SRCAP: variants seen among roughly 807,000 people sequenced by gnomAD.
SRCAP encodes the protein chromatin remodeling protein SRCAP.
SRCAP carries 46 observed loss-of-function variants against 263.1 expected under a neutral mutation model. The observed-to-expected ratio is 0.17, with a 90% CI of 0.14 to 0.22. The LOEUF (loss-of-function observed/expected upper bound fraction) is 0.22, where lower values mean the gene tolerates loss of function less well. SRCAP is among the 10% of genes least tolerant of loss of function. The probability of loss-of-function intolerance (pLI) is 1.00; values close to 1 mark genes in which losing one functional copy is unlikely to be tolerated. For synonymous variants in SRCAP, 1,813 were observed against 1,662.1 expected (o/e 1.09, Z -2.21); for missense variants, 3,695 against 4,181.9 (o/e 0.88, Z 3.21).
Position 30,704,246 on chromosome 16 carries a change from T to A in SRCAP, c.237T>A (p.Ala79=). Reference sequence around the variant, plus strand: ...TGGAGGGGTTCAGCTTATCCCAGGCTGCTGACCTGGCTAACAAGGGCCCGA... The same window carrying A: ...TGGAGGGGTTCAGCTTATCCCAGGCAGCTGACCTGGCTAACAAGGGCCCGA... ...VPLEGFSLSQ[A]ADLANKGPKW... The change falls in exon 4 of 34, where the codon GCT becomes GCA. Residue 79 remains alanine, a synonymous_variant. Transcript: ENST00000262518. 1 of 1,614,172 alleles carries A rather than the reference T, an allele frequency of 6.2e-7. No individual in the cohort carries two copies. The highest frequency in any genetic ancestry group is 8.5e-7 in the Non-Finnish European group (1 of 1,180,006).
rs374930012 is a variant in SRCAP at position 30,711,707 on chromosome 16, G to A, written c.1455G>A (p.Ala485=). ...GTGAACCAGAGGGGCCCGTGGAAGC[G>A]GAAGAGCCTCCTCAGGAGGATAGTA... ...SDCEPEGPVE[A]EEPPQEDSSS... is the part of the protein sequence containing the mutation. The change falls in exon 11 of 34, where the codon GCG becomes GCA. Residue 485 remains alanine, a synonymous_variant. Coordinates refer to ENST00000262518, the MANE Select transcript of SRCAP (RefSeq NM_006662.3). 63 of 1,613,678 alleles carry A rather than the reference G, an allele frequency of 3.9e-5. No homozygotes were observed. Among genetic ancestry groups the A allele is most frequent in the Admixed American group, 1.3e-4 (8 of 59,866 alleles).
In SRCAP at chr16:30,716,415, C is replaced by G. The variant is rs886525738; in HGVS notation, c.2753C>G (p.Thr918Ser). 2 of 1,614,116 alleles carry G rather than the reference C, an allele frequency of 1.2e-6. No individual in the cohort carries two copies. Among genetic ancestry groups the G allele is most frequent in the Non-Finnish European group, 1.7e-6 (2 of 1,180,054 alleles). ...DPRPVTSPFI[T>S]PGICFSTASL... ...CGACCGGTTACCTCCCCTTTCATCA[C>G]CCCAGGCATCTGCTTCAGCACCGCC... The change falls in exon 18 of 34, where the codon ACC becomes AGC. Residue 918 changes from threonine to serine, a missense_variant. Physicochemically the swap from Thr to Ser is moderately conservative, Grantham distance 58. Transcript: ENST00000262518.
intron 22 of SRCAP, 121 bp from the exon 23 acceptor site, chr16:30,722,442 G>T: frequency 6.7e-7 from 1 of 1,500,422 alleles, no homozygotes. Flanking sequence ...ATAAAGATAG[G>T]GAAGAGGTCA....
chr16:30,725,330 GT>G, intron 25 of SRCAP: 1 of 627,126 alleles, frequency 1.6e-6, no homozygotes, highest in African/African-American at 1.9e-5. Context: ...CTCTTTTCCC[GT>G]TTTTTAACCC....
intron 20 of SRCAP, 67 bp from the exon 21 acceptor site, chr16:30,721,122 G>T (rs1348360449): frequency 5.8e-6 from 9 of 1,545,220 alleles, no homozygotes; most frequent in Non-Finnish European, 7.9e-6. Context: ...GGAGTATGGA[G>T]GCTTCTGGCA....
At chr16:30,716,936 A>G (rs890145486) in intron 18 of SRCAP, among the ~76,000 whole-genome samples, 4 of 152,172 alleles carry the variant, frequency 2.6e-5, no homozygotes, top group Non-Finnish European at 1.5e-5. Flanking sequence ...TAGGTGTACA[A>G]ATATCTCTGC....
intron 9 of SRCAP, 32 bp from the exon 10 acceptor site, chr16:30,710,967 C>A: frequency 6.2e-7 from 1 of 1,602,964 alleles, no homozygotes; most frequent in Admixed American, 1.7e-5. Context: ...TAGCCTCTAT[C>A]CCTATTAATC....
chr16:30,709,576 T>C lies in SRCAP; in HGVS notation c.697T>C (p.Leu233=). Residue 233 remains leucine (L), a synonymous_variant, in exon 7 of 34, where the codon TTG becomes CTG. Transcript: ENST00000262518. ...GCGCAAAAAAGCCCTGGACCTGCAT[T>C]TGGACTTCATTGTGGGGCAAACTGA... ...EKRKKALDLH[L]DFIVGQTEKY... is the part of the protein sequence containing the mutation. The C allele has an allele frequency of 6.2e-7, 1 of 1,614,148 alleles. No homozygotes were observed. Among genetic ancestry groups the C allele is most frequent in the Non-Finnish European group, 8.5e-7 (1 of 1,180,030 alleles).
At position 30,719,376 on chromosome 16, in the gene SRCAP, T is replaced by C. The variant is rs1001709935; in HGVS notation, c.2818-786T>C. On this transcript the variant is annotated intron_variant, in intron 18 of 33. Transcript: ENST00000262518. ...GATTACAGGCACGTGCCACCACGCC[T>C]GGCTAATGTTTTGTATTTTTAGTAG... Among the ~76,000 whole-genome samples, 9 of 149,876 alleles carry C rather than the reference T, an allele frequency of 6.0e-5. No homozygotes were observed. The South Asian group carries it at 1.1e-3, about 18-fold the overall frequency.
intron 1 of SRCAP, among the ~76,000 whole-genome samples, 187 bp downstream of exon 1, chr16:30,699,429 T>G (rs2052740671): frequency 6.6e-6 from 1 of 152,194 alleles, no homozygotes; most frequent in East Asian, 1.9e-4. Flanking sequence ...AGTCTCCTTT[T>G]GCTGTGGTTC....
chr16:30,721,299 C>A lies in SRCAP; in HGVS notation c.3364C>A (p.Pro1122Thr), dbSNP rs774234973. Residue 1122 changes from proline (P) to threonine (T), a missense_variant, in exon 21 of 34, where the codon CCA becomes ACA. Pro to Thr is a conservative substitution (Grantham distance 38, BLOSUM62 -1). This residue lies in a region of SRCAP where 1,347 missense variants were observed against 1,304.4 expected (regional missense o/e 1.03). Transcript: ENST00000262518. ...AGTTCGCCTGAGCCCAGCCCCACCT[C>A]CAGGCTCCTCTAGCCTGTTGAAGCC... The part of the protein sequence containing the change: ...APVRLSPAPP[P>T]GSSSLLKPLT... The A allele has an allele frequency of 6.2e-7, 1 of 1,614,102 alleles. No individual in the cohort carries two copies. The highest frequency in any genetic ancestry group is 1.3e-5 in the African/African-American group (1 of 74,940).
At chr16:30,708,757 A>G (rs1000900165) in intron 6 of SRCAP, among the ~76,000 whole-genome samples, 2 of 152,192 alleles carry the variant, frequency 1.3e-5, no homozygotes, top group African/African-American at 4.8e-5. Flanking sequence ...TTGAATTCCT[A>G]GGCTCAAGCG....
rs1278570937 is a variant in SRCAP at position 30,733,924 on chromosome 16, C to T, written c.6525C>T (p.Asn2175=). The change falls in exon 30 of 34, where the codon AAC becomes AAT. Residue 2175 remains asparagine, a synonymous_variant. Coordinates refer to ENST00000262518, the MANE Select transcript of SRCAP (RefSeq NM_006662.3). This position sits in a 1 kb window ranked among gnomAD's most constrained non-coding sequence, Gnocchi z 5.3. ...RLISERTVEE[N]ILKKANQKRM... Reference sequence around the variant, plus strand: ...TCAGTGAACGGACAGTGGAGGAGAACATCCTAAAAAAGGCAAATCAGAAGA... The same window carrying T: ...TCAGTGAACGGACAGTGGAGGAGAATATCCTAAAAAAGGCAAATCAGAAGA... 1 of 1,613,934 alleles carries T rather than the reference C, an allele frequency of 6.2e-7. No homozygotes were observed. The highest frequency in any genetic ancestry group is 1.3e-5 in the African/African-American group (1 of 74,906).
At chr16:30,720,494 G>A (rs2053000972) in intron 19 of SRCAP, among the ~76,000 whole-genome samples, 163 bp downstream of exon 19, 1 of 152,182 alleles carries the variant, frequency 6.6e-6, no homozygotes, top group Admixed American at 6.5e-5. Context: ...CTAGAAGAGG[G>A]TACTGGGATG....
At chr16:30,701,604 C>A (rs932436984) in intron 3 of SRCAP, among the ~76,000 whole-genome samples, 1 of 150,906 alleles carries the variant, frequency 6.6e-6, no homozygotes, top group Non-Finnish European at 1.5e-5. Context: ...ATCCACCTTT[C>A]AGTAGGACTT....
intron 16 of SRCAP, 58 bp downstream of exon 16, chr16:30,713,769 A>G: frequency 1.3e-6 from 2 of 1,538,822 alleles, no homozygotes; most frequent in East Asian, 4.5e-5. Context: ...ATTCCTGAGC[A>G]CCTGGGCAGT....
In SRCAP at chr16:30,716,310, C is replaced by G. The variant is rs139524110; in HGVS notation, c.2648C>G (p.Ala883Gly). Residue 883 changes from alanine to glycine, a missense_variant, in exon 18 of 34, where the codon GCC becomes GGC. Transcript: ENST00000262518. The stretch of plus-strand genomic sequence containing the variant: ...TTCCCCAGAACTAAGGAGACACTAG[C>G]CACAGGCCATTTCATGAGCGTCATC... ...MAQTTTKETL[A>G]TGHFMSVINI... 49 of 1,614,028 alleles carry G rather than the reference C, an allele frequency of 3.0e-5. No individual in the cohort carries two copies. The African/African-American group carries it at 6.3e-4, about 21-fold the overall frequency.
In SRCAP at chr16:30,737,810, G is replaced by A; in HGVS notation, c.7770G>A (p.Val2590=). The part of the protein sequence containing the change: ...VPPKDLLPVA[V]EILPVSEKNL... ...CTAAAGATCTGTTGCCAGTTGCTGT[G>A]GAGATCCTGCCTGTGTCAGAGAAGA... The change falls in exon 34 of 34, where the codon GTG becomes GTA. Residue 2590 remains valine (V), a synonymous_variant. Coordinates refer to ENST00000262518, the MANE Select transcript of SRCAP (RefSeq NM_006662.3). 6.2e-7 allele frequency: 1 copy of A among 1,614,128 alleles called. No individual in the cohort carries two copies.
chr16:30,705,561 G>A (rs375066879), intron 4 of SRCAP, among the ~76,000 whole-genome samples: 9 of 150,414 alleles, frequency 6.0e-5, no homozygotes, highest in Admixed American at 2.0e-4. Flanking sequence ...CATCACACCC[G>A]GCTAAATTTT....
Sources: allele counts gnomAD v4.1 joint callset (sites outside exome capture counted in the v4.1 genomes callset), GRCh38; gene constraint gnomAD v4.1.1; regional missense constraint gnomAD v4.1.1; non-coding constraint Gnocchi (gnomAD v3.1); transcripts MANE v1.5; gene names NCBI Gene and HGNC (gene_info 2026-07-23, HGNC 2026-07-21).